The following RBM47 variants were observed in gnomAD, a reference collection of about 807,000 sequenced individuals.
The protein encoded by RBM47 is RNA-binding protein 47.
RBM47 carries 21 observed loss-of-function variants against 47.1 expected under a neutral mutation model. The observed-to-expected ratio is 0.45, with a 90% confidence interval of 0.32 to 0.64. The LOEUF is 0.64. RBM47 is among the 30% of genes least tolerant of loss of function. RBM47 has a pLI of 0.05. For missense variants in RBM47, 708 were observed against 870.9 expected, an observed-to-expected ratio of 0.81 and a Z score of 2.35; for synonymous variants, 375 against 361.7, an observed-to-expected ratio of 1.04 and a Z score of -0.42.
rs189173940 is a variant in RBM47 at position 40,452,283 on chromosome 4, G to A, written c.-31-13359C>T. On this transcript the variant is annotated intron_variant, in intron 3 of 6. Coordinates refer to ENST00000295971, the MANE Select transcript of RBM47 (RefSeq NM_001098634.2). ...CTCAAATAGCTGAAATGTAGGAGGT[G>A]GATATGGGGCAGAAGATGAGGCTCA... 1.4e-4 allele frequency among the ~76,000 whole-genome samples: 21 copies of A among 152,182 alleles called. No homozygotes were observed. In the South Asian group the frequency reaches 3.5e-3, roughly 26 times the overall value.
intron 2 of RBM47, among the ~76,000 whole-genome samples, chr4:40,477,382 A>G (rs528075870): frequency 1.3e-5 from 2 of 152,262 alleles, no homozygotes; most frequent in South Asian, 4.1e-4. Context: ...GTTAAATATT[A>G]TATAAAACTA....
intron 1 of RBM47, among the ~76,000 whole-genome samples, chr4:40,598,213 G>T (rs74334108): frequency 1.3e-5 from 2 of 152,100 alleles, no homozygotes; most frequent in African/African-American, 4.8e-5. Context: ...GCACACAGGA[G>T]ATTTACCATT....
At chr4:40,482,205 G>A (rs1056330239) in intron 2 of RBM47, among the ~76,000 whole-genome samples, 3 of 152,130 alleles carry the variant, frequency 2.0e-5, no homozygotes, top group African/African-American at 7.2e-5. Context: ...GAGTCCATGG[G>A]GAAAGCTTCC....
At position 40,456,182 on chromosome 4, in the gene RBM47, T is replaced by C. The variant is rs147581536; in HGVS notation, c.-32+10395A>G. 4.4e-3 allele frequency among the ~76,000 whole-genome samples: 673 copies of C among 152,318 alleles called. 2 individuals are homozygous for C. Among genetic ancestry groups the C allele is most frequent in the Non-Finnish European group, 7.8e-3 (534 of 68,032 alleles). On this transcript the variant is annotated intron_variant, in intron 3 of 6. Transcript: ENST00000295971. ...GAGCTTTGTGCCTACCCATTGAATG[T>C]AGTAGGCCCTAAATATTGCCTGTTA...
rs1296229174 is a variant in RBM47 at position 40,440,207 on chromosome 4, A to C, written c.-31-1283T>G. 3.9e-5 allele frequency among the ~76,000 whole-genome samples: 6 copies of C among 152,348 alleles called. No individual in the cohort carries two copies. The East Asian group carries it at 1.2e-3, about 29-fold the overall frequency. On this transcript the variant is annotated intron_variant, in intron 3 of 6. Coordinates refer to ENST00000295971, the MANE Select transcript of RBM47 (RefSeq NM_001098634.2). ...AGTTAAATTTATAGAAAGTTAAGAA[A>C]AGTACATAAGAAATTATTCCTAATT...
chr4:40,436,747 A>G, intron 4 of RBM47, 100 bp from the exon 5 acceptor site: 1 of 1,127,298 alleles, frequency 8.9e-7, no homozygotes, highest in Middle Eastern at 2.0e-4. Context: ...CCCAGTCTTA[A>G]TTGCAGGTGG....
At chr4:40,605,259 A>T (rs763596643) in intron 1 of RBM47, among the ~76,000 whole-genome samples, 18 of 151,714 alleles carry the variant, frequency 1.2e-4, no homozygotes, top group Non-Finnish European at 2.5e-4. Flanking sequence ...TCCTGACCTC[A>T]GGTGATCTGC....
chr4:40,508,073 A>G (rs1724370129), intron 2 of RBM47, among the ~76,000 whole-genome samples: 1 of 152,204 alleles, frequency 6.6e-6, no homozygotes, highest in Non-Finnish European at 1.5e-5. Flanking sequence ...TCTCAAAAAG[A>G]AAAGAAAAGT....
chr4:40,431,405 T>C (rs1317072751), intron 6 of RBM47, among the ~76,000 whole-genome samples: 1 of 152,130 alleles, frequency 6.6e-6, no homozygotes, highest in East Asian at 1.9e-4. Context: ...ACGCCTGTAA[T>C]CCCAGCACTT....
intron 2 of RBM47, among the ~76,000 whole-genome samples, chr4:40,527,436 AT>A (rs60524903): frequency 0.08 from 8,426 of 104,732 alleles, 165 homozygotes; most frequent in Middle Eastern, 0.15. Flanking sequence ...ACACCTGGCA[AT>A]TTTTTTTTTT....
At chr4:40,591,223 AG>A (rs1734107224) in intron 1 of RBM47, among the ~76,000 whole-genome samples, 1 of 152,258 alleles carries the variant, frequency 6.6e-6, no homozygotes, top group African/African-American at 2.4e-5. Context: ...AATGGGGACA[AG>A]GGTCTCCTTG....
At chr4:40,476,557 C>T (rs1395024635) in intron 2 of RBM47, among the ~76,000 whole-genome samples, 1 of 151,810 alleles carries the variant, frequency 6.6e-6, no homozygotes, top group Admixed American at 6.6e-5. Context: ...GTAATAAAAC[C>T]ATCTGTACAC....
chr4:40,438,946 T>TGAGTGGGGAACCGC, intron 3 of RBM47, 22 bp from the exon 4 acceptor site: 1 of 1,475,664 alleles, frequency 6.8e-7, no homozygotes, highest in Non-Finnish European at 9.0e-7. Context: ...GAAAGAAGCG[T>TGAGTGGGGAACCGC]GAGTGGGGAA....
At chr4:40,512,279 G>A (rs576331633) in intron 2 of RBM47, among the ~76,000 whole-genome samples, 1 of 151,140 alleles carries the variant, frequency 6.6e-6, no homozygotes, top group East Asian at 2.0e-4. Context: ...AAAATTAGCC[G>A]GGCATGATGG....
At chr4:40,530,821 G>A (rs1353326479) in intron 2 of RBM47, among the ~76,000 whole-genome samples, 1 of 152,116 alleles carries the variant, frequency 6.6e-6, no homozygotes, top group Non-Finnish European at 1.5e-5. Flanking sequence ...CATGCAAGGC[G>A]AGGCACGGTG....
intron 1 of RBM47, among the ~76,000 whole-genome samples, chr4:40,616,414 AT>A (rs1489238059): frequency 1.3e-5 from 2 of 151,978 alleles, no homozygotes; most frequent in East Asian, 3.9e-4. Context: ...GACCAAAATC[AT>A]TTTATTCCTA....
At chr4:40,481,366 AG>A (rs1425260721) in intron 2 of RBM47, among the ~76,000 whole-genome samples, 1 of 149,370 alleles carries the variant, frequency 6.7e-6, no homozygotes, top group African/African-American at 2.5e-5. Context: ...TCTGCCTCCC[AG>A]GTTCAAGCAA....
At chr4:40,480,792 T>C (rs1020576729) in intron 2 of RBM47, among the ~76,000 whole-genome samples, 16 of 152,188 alleles carry the variant, frequency 1.1e-4, no homozygotes, top group African/African-American at 3.4e-4. Context: ...GCTAAGTAAT[T>C]ATTAGTATTT....
chr4:40,448,378 G>A (rs1213980407), intron 3 of RBM47, among the ~76,000 whole-genome samples: 1 of 152,100 alleles, frequency 6.6e-6, no homozygotes, highest in Non-Finnish European at 1.5e-5. Flanking sequence ...CTGACAAATT[G>A]CAATTTGAAG....
Sources: allele counts gnomAD v4.1 joint callset (sites outside exome capture counted in the v4.1 genomes callset), GRCh38; gene constraint gnomAD v4.1.1; transcripts MANE v1.5; gene names NCBI Gene and HGNC (gene_info 2026-07-23, HGNC 2026-07-21).